IFT88: variants seen among roughly 807,000 people sequenced by gnomAD.
The protein encoded by IFT88 is intraflagellar transport protein 88 homolog.
Under a neutral mutation model 119.5 loss-of-function variants are expected in IFT88, and 74 were observed. The observed-to-expected ratio is 0.62, with a 90% CI of 0.51 to 0.75. IFT88 has a LOEUF of 0.75. Ranked by LOEUF, IFT88 falls within the 30% of genes least tolerant of loss-of-function variation. IFT88 has a pLI of 0.00. For synonymous variants in IFT88, 279 were observed against 316.7 expected (o/e 0.88, Z 1.26); for missense variants, 961 against 977.7 (o/e 0.98, Z 0.23).
intron 24 of IFT88, among the ~76,000 whole-genome samples, chr13:20,688,277 G>C (rs2058158245): frequency 6.6e-6 from 1 of 152,192 alleles, no homozygotes; most frequent in Non-Finnish European, 1.5e-5. Context: ...AACCCGGGAG[G>C]TGGAGGTTGC....
At chr13:20,573,932 T>C (rs2036869709) in intron 1 of IFT88, among the ~76,000 whole-genome samples, 1 of 152,220 alleles carries the variant, frequency 6.6e-6, no homozygotes, top group South Asian at 2.1e-4. Flanking sequence ...TTTTGACATC[T>C]AGTTTTGGGA....
At chr13:20,670,180 A>G (rs1456477178) in intron 23 of IFT88, among the ~76,000 whole-genome samples, 2 of 152,228 alleles carry the variant, frequency 1.3e-5, no homozygotes, top group Non-Finnish European at 2.9e-5. Flanking sequence ...TAAATAAAAT[A>G]TCCACCCATG....
chr13:20,627,812 A>T (rs548899309), intron 15 of IFT88, among the ~76,000 whole-genome samples: 3 of 151,558 alleles, frequency 2.0e-5, no homozygotes, highest in Admixed American at 2.0e-4. Context: ...AGCAATAAAC[A>T]CTCTAATTTT....
Position 20,690,782 on chromosome 13 carries a change from G to T in IFT88, c.2320G>T (p.Glu774Ter). ...ARLRALPGTNEPYESSSNKEI... is the reference protein window; with the variant it reads ...ARLRALPGTN ...ACTCAGAGCTTTACCTGGGACAAAT[G>T]AACCTTATGAAAGTAGCAGTAACAA... Residue 774 changes from glutamate to a stop codon, truncating the protein, a stop_gained, in exon 25 of 26, where the codon GAA becomes TAA. Coordinates refer to ENST00000351808, the MANE Select transcript of IFT88 (RefSeq NM_006531.5). LOFTEE classifies it high-confidence loss of function. 1 of 1,613,586 alleles carries T rather than the reference G, an allele frequency of 6.2e-7. No homozygotes were observed. Among genetic ancestry groups the T allele is most frequent in the South Asian group, 1.1e-5 (1 of 91,042 alleles).
intron 21 of IFT88, among the ~76,000 whole-genome samples, chr13:20,654,307 C>G (rs911241942): frequency 1.3e-5 from 2 of 152,148 alleles, no homozygotes; most frequent in Non-Finnish European, 2.9e-5. Flanking sequence ...ACTTGAGAAG[C>G]CTGAGAAAAG....
At chr13:20,620,787 C>T (rs1268806047) in intron 14 of IFT88, among the ~76,000 whole-genome samples, 2 of 152,034 alleles carry the variant, frequency 1.3e-5, no homozygotes, top group Non-Finnish European at 2.9e-5. Context: ...GCTCGGCCTC[C>T]CAAAGTGCTG....
chr13:20,600,854 CAA>C (rs1363538041), intron 11 of IFT88, among the ~76,000 whole-genome samples: 2 of 152,004 alleles, frequency 1.3e-5, no homozygotes, highest in African/African-American at 2.4e-5. Context: ...AAAGTAGAAA[CAA>C]GACGAATGTC....
Position 20,589,878 on chromosome 13 carries a change from G to C in IFT88, c.210+11G>C. 1 of 1,556,774 alleles carries C rather than the reference G, an allele frequency of 6.4e-7. No individual in the cohort carries two copies. On this transcript the variant is annotated intron_variant, in intron 4 of 25. Transcript: ENST00000351808. Reference sequence around the variant, plus strand: ...GCTACTGGATATGGGGTAGGTTTTTGTAAGCTGAAAATATTAAGATGCTTT... The same window carrying C: ...GCTACTGGATATGGGGTAGGTTTTTCTAAGCTGAAAATATTAAGATGCTTT...
chr13:20,568,955 C>T (rs2035594020), intron 1 of IFT88, among the ~76,000 whole-genome samples: 1 of 151,980 alleles, frequency 6.6e-6, no homozygotes, highest in Admixed American at 6.5e-5. Context: ...CTCCTGACCT[C>T]GTGATCCGCC....
At chr13:20,603,197 T>A (rs947704508) in intron 12 of IFT88, among the ~76,000 whole-genome samples, 9 of 152,112 alleles carry the variant, frequency 5.9e-5, no homozygotes, top group Non-Finnish European at 2.9e-5. Flanking sequence ...ATTTTCAATT[T>A]CACAGAGTTG....
chr13:20,632,583 T>C (rs1384981233), intron 16 of IFT88, among the ~76,000 whole-genome samples: 1 of 152,236 alleles, frequency 6.6e-6, no homozygotes, highest in African/African-American at 2.4e-5. Flanking sequence ...GTAAGAATAT[T>C]GCATTATCCA....
chr13:20,664,618 A>G (rs958956686), intron 23 of IFT88, among the ~76,000 whole-genome samples: 4 of 152,294 alleles, frequency 2.6e-5, no homozygotes, highest in Admixed American at 1.3e-4. Flanking sequence ...TTAGCAGACA[A>G]ACAAAGAGGT....
chr13:20,621,534 A>T (rs1367740235), intron 14 of IFT88, among the ~76,000 whole-genome samples: 42 of 16,014 alleles, frequency 2.6e-3, no homozygotes, highest in Non-Finnish European at 7.0e-3. Flanking sequence ...GATAAAAAAA[A>T]AAAAAAAAAA....
intron 24 of IFT88, among the ~76,000 whole-genome samples, chr13:20,689,376 G>A (rs1280510382): frequency 6.6e-6 from 1 of 152,204 alleles, no homozygotes; most frequent in African/African-American, 2.4e-5. Flanking sequence ...TGTAAAAAGT[G>A]AAATAACGTT....
At chr13:20,599,749 AG>A (rs2042290883) in intron 11 of IFT88, among the ~76,000 whole-genome samples, 184 bp downstream of exon 11, 1 of 152,146 alleles carries the variant, frequency 6.6e-6, no homozygotes, top group Non-Finnish European at 1.5e-5. Context: ...GACAAGTTAA[AG>A]GTTAAAGCAT....
chr13:20,632,905 A>G (rs1052768638), intron 16 of IFT88, among the ~76,000 whole-genome samples: 6 of 152,218 alleles, frequency 3.9e-5, no homozygotes, highest in Admixed American at 3.9e-4. Flanking sequence ...TGCACCATTG[A>G]GAAGCACTGC....
intron 18 of IFT88, 110 bp from the exon 19 acceptor site, chr13:20,643,345 A>G (rs974748229): frequency 1.2e-6 from 1 of 802,878 alleles, no homozygotes; most frequent in Non-Finnish European, 2.0e-6. Flanking sequence ...AACAGTATAC[A>G]ATAGCACATT....
intron 24 of IFT88, among the ~76,000 whole-genome samples, chr13:20,689,665 C>G (rs1303269635): frequency 2.6e-5 from 4 of 152,000 alleles, no homozygotes; most frequent in Non-Finnish European, 5.9e-5. Context: ...ACTCATTCAT[C>G]TTTTAAAAGA....
intron 16 of IFT88, among the ~76,000 whole-genome samples, chr13:20,635,028 C>A (rs2048815683): frequency 6.7e-6 from 1 of 148,980 alleles, no homozygotes; most frequent in Non-Finnish European, 1.5e-5. Flanking sequence ...CAATTCCCAC[C>A]TATGAGTGAG....
Sources: allele counts gnomAD v4.1 joint callset (sites outside exome capture counted in the v4.1 genomes callset), GRCh38; gene constraint gnomAD v4.1.1; transcripts MANE v1.5; gene names NCBI Gene and HGNC (gene_info 2026-07-23, HGNC 2026-07-21).